Variants in TMTC2 observed in about 807,000 individuals in gnomAD.
TMTC2 encodes the protein transmembrane O-mannosyltransferase targeting cadherins 2.
A neutral mutation model predicts 82.4 loss-of-function variants in TMTC2; 43 were observed. The ratio of observed to expected loss-of-function variants is 0.52; its 90% CI spans 0.41 to 0.67. TMTC2 has a LOEUF of 0.67. TMTC2 is among the 30% of genes least tolerant of loss of function. The pLI is 0.00. For synonymous variants in TMTC2, 408 were observed against 381.9 expected, an observed-to-expected ratio of 1.07 and a Z score of -0.80; for missense variants, 919 against 1,012.4, an observed-to-expected ratio of 0.91 and a Z score of 1.25.
Position 82,876,063 on chromosome 12 carries a change from GTGGTGATGA to G in TMTC2, c.654+18486_654+18494del, listed in dbSNP as rs1269160484. Reference sequence around the variant, plus strand: ...GGTGGTGGTGGTGGTGGTGGTGGTGGTGGTGATGATGATGATGGTGATTAGTATTCATAA... The same window carrying G: ...GGTGGTGGTGGTGGTGGTGGTGGTGGTGATGATGGTGATTAGTATTCATAA... On this transcript the variant is annotated intron_variant, in intron 2 of 11. Coordinates refer to ENST00000321196, the MANE Select transcript of TMTC2 (RefSeq NM_152588.3). Among the ~76,000 whole-genome samples, 82 of 112,658 alleles carry G rather than the reference GTGGTGATGA, an allele frequency of 7.3e-4. 1 individual carries two copies. The East Asian group carries it at 0.013, about 18-fold the overall frequency. 73.9% of individuals were successfully genotyped at this position (112,658 alleles called of 152,430 possible).
At chr12:82,844,821 G>A (rs1870548271) in intron 1 of TMTC2, among the ~76,000 whole-genome samples, 1 of 151,146 alleles carries the variant, frequency 6.6e-6, no homozygotes, top group African/African-American at 2.4e-5. Context: ...AAAGAATCTA[G>A]TGTTCCATAG....
At chr12:83,108,595 A>C (rs1016647370) in intron 11 of TMTC2, among the ~76,000 whole-genome samples, 3 of 151,030 alleles carry the variant, frequency 2.0e-5, no homozygotes. Context: ...GCGCGACTGC[A>C]CTCCAGCCTG....
chr12:82,902,568 C>G (rs1335346020), intron 3 of TMTC2, among the ~76,000 whole-genome samples: 1 of 152,154 alleles, frequency 6.6e-6, no homozygotes, highest in Non-Finnish European at 1.5e-5. Context: ...CAGCTGAACT[C>G]CTGCTTCTAT....
chr12:83,012,728 A>G (rs768958216), intron 8 of TMTC2, among the ~76,000 whole-genome samples: 2 of 152,146 alleles, frequency 1.3e-5, no homozygotes, highest in African/African-American at 2.4e-5. Flanking sequence ...CAAAGTGTGT[A>G]ATATAAGCCA....
chr12:82,851,211 C>T (rs911167945), intron 1 of TMTC2, among the ~76,000 whole-genome samples: 3 of 152,012 alleles, frequency 2.0e-5, no homozygotes, highest in African/African-American at 7.2e-5. Flanking sequence ...AGGCAGATCA[C>T]CTGAGGTCAG....
At chr12:83,065,048 G>C (rs1224826253) in intron 11 of TMTC2, among the ~76,000 whole-genome samples, 2 of 151,748 alleles carry the variant, frequency 1.3e-5, no homozygotes, top group Non-Finnish European at 2.9e-5. Flanking sequence ...ACCCCTGAGA[G>C]GGTAAAAATC....
intron 8 of TMTC2, among the ~76,000 whole-genome samples, chr12:83,029,572 G>T (rs1175025223): frequency 6.6e-6 from 1 of 152,168 alleles, no homozygotes; most frequent in East Asian, 1.9e-4. Flanking sequence ...TAAATTAGGA[G>T]CAGGCAGGTA....
chr12:82,752,147 C>CATTTTTTTTTTTTTTT lies in TMTC2; in HGVS notation c.83+64478_83+64479insATTTTTTTTTTTTTTT, dbSNP rs58427886. Among the ~76,000 whole-genome samples the CATTTTTTTTTTTTTTT allele has an allele frequency of 3.6e-5, 5 of 137,928 alleles. 2 individuals are homozygous for CATTTTTTTTTTTTTTT. Among genetic ancestry groups the CATTTTTTTTTTTTTTT allele is most frequent in the Non-Finnish European group, 6.1e-5 (4 of 66,034 alleles). 90.5% of individuals were successfully genotyped at this position (137,928 alleles called of 152,430 possible). Reference sequence around the variant, plus strand: ...ATGTTTTTATATTTATTGGAAGCTCCTTTTTTTTTTTTTTTTTTTCTGAAG... The same window carrying CATTTTTTTTTTTTTTT: ...ATGTTTTTATATTTATTGGAAGCTCCATTTTTTTTTTTTTTTTTTTTTTTTTTTTTTTTTTCTGAAG... On this transcript the variant is annotated intron_variant, in intron 1 of 11. Coordinates refer to ENST00000321196, the MANE Select transcript of TMTC2 (RefSeq NM_152588.3).
At chr12:82,965,847 C>A in intron 6 of TMTC2, 103 bp downstream of exon 6, 1 of 1,230,600 alleles carries the variant, frequency 8.1e-7, no homozygotes, top group Non-Finnish European at 1.2e-6. Context: ...CTTTGAACAA[C>A]TAATATGTAT....
At chr12:83,030,230 T>C (rs1023800792) in intron 8 of TMTC2, among the ~76,000 whole-genome samples, 11 of 152,186 alleles carry the variant, frequency 7.2e-5, no homozygotes, top group Admixed American at 2.0e-4. Flanking sequence ...TCTGTCACAC[T>C]CTTCTTAGTA....
At chr12:82,802,163 C>T (rs897471578) in intron 1 of TMTC2, among the ~76,000 whole-genome samples, 5 of 152,140 alleles carry the variant, frequency 3.3e-5, no homozygotes, top group Admixed American at 1.3e-4. Context: ...AGCCCTGCCC[C>T]GTGGGGAGGC....
At chr12:82,845,605 A>G (rs1870617512) in intron 1 of TMTC2, among the ~76,000 whole-genome samples, 1 of 152,142 alleles carries the variant, frequency 6.6e-6, no homozygotes, top group East Asian at 1.9e-4. Flanking sequence ...GTACGGTGAG[A>G]AGGAGGTGAG....
At position 83,004,722 on chromosome 12, in the gene TMTC2, A is replaced by ATTTTTTTTTTTTTTTTTTTTT. The variant is rs528076999; in HGVS notation, c.2070+18701_2070+18721dup. 1.7e-4 allele frequency among the ~76,000 whole-genome samples: 6 copies of ATTTTTTTTTTTTTTTTTTTTT among 36,032 alleles called. 2 individuals are homozygous for ATTTTTTTTTTTTTTTTTTTTT. The highest frequency in any genetic ancestry group is 2.1e-4 in the Non-Finnish European group (4 of 18,964). 23.6% of individuals were successfully genotyped at this position (36,032 alleles called of 152,430 possible). A position where few individuals can be genotyped will look rare whatever the true frequency, so the allele number is the denominator to read the frequency against. On this transcript the variant is annotated intron_variant, in intron 8 of 11. Coordinates refer to ENST00000321196, the MANE Select transcript of TMTC2 (RefSeq NM_152588.3). ...TTCACAGGCAGTGTATACTGGCCGA[A>ATTTTTTTTTTTTTTTTTTTTT]TTTTTTTTTTTTTTTTTTTTTTTTT...
intron 4 of TMTC2, among the ~76,000 whole-genome samples, chr12:82,946,504 A>G (rs138557719): frequency 1.3e-5 from 2 of 152,228 alleles, no homozygotes; most frequent in Non-Finnish European, 2.9e-5. Flanking sequence ...CATTGCTTTT[A>G]ATCATTGTGC....
intron 11 of TMTC2, among the ~76,000 whole-genome samples, chr12:83,121,511 G>A (rs543855086): frequency 5.9e-5 from 9 of 152,114 alleles, no homozygotes; most frequent in Non-Finnish European, 1.2e-4. Context: ...TGCACCATCC[G>A]TGGGTATCTC....
intron 1 of TMTC2, among the ~76,000 whole-genome samples, chr12:82,854,835 A>G (rs1365551270): frequency 3.3e-5 from 5 of 152,216 alleles, no homozygotes; most frequent in Non-Finnish European, 7.3e-5. Context: ...CACATTGTAT[A>G]TAATCATCAA....
At chr12:83,116,022 G>A (rs932167807) in intron 11 of TMTC2, among the ~76,000 whole-genome samples, 3 of 152,030 alleles carry the variant, frequency 2.0e-5, no homozygotes, top group Admixed American at 1.3e-4. Flanking sequence ...TCCTGACCTC[G>A]TGATGTGCCT....
chr12:82,879,360 C>T (rs912123781), intron 2 of TMTC2, among the ~76,000 whole-genome samples: 46 of 152,190 alleles, frequency 3.0e-4, no homozygotes, highest in Non-Finnish European at 5.9e-5. Context: ...TGAAACTGTT[C>T]CACCTTAAAT....
At chr12:83,069,541 A>T (rs1464322153) in intron 11 of TMTC2, among the ~76,000 whole-genome samples, 2 of 151,486 alleles carry the variant, frequency 1.3e-5, no homozygotes, top group Non-Finnish European at 2.9e-5. Flanking sequence ...TTTTGATGGG[A>T]TTGTTTGATT....
Sources: allele counts gnomAD v4.1 joint callset (sites outside exome capture counted in the v4.1 genomes callset), GRCh38; gene constraint gnomAD v4.1.1; transcripts MANE v1.5; gene names NCBI Gene and HGNC (gene_info 2026-07-23, HGNC 2026-07-21).